NIN: variants seen among roughly 807,000 people sequenced by gnomAD.
The protein encoded by NIN is glycogen synthase kinase 3 beta-interacting protein.
NIN carries 137 observed loss-of-function variants against 257.6 expected under a neutral mutation model. The observed-to-expected ratio is 0.53, with a 90% CI of 0.46 to 0.61. The LOEUF is 0.61. NIN is among the 20% of genes least tolerant of loss of function. NIN has a pLI of 0.00. For missense variants in NIN, 2,439 were observed against 2,501.2 expected (o/e 0.98, Z 0.53); for synonymous variants, 918 against 919.8 (o/e 1.00, Z 0.04).
At chr14:50,744,933 A>C (rs2041467991) in intron 22 of NIN, among the ~76,000 whole-genome samples, 3 of 151,918 alleles carry the variant, frequency 2.0e-5, no homozygotes, top group African/African-American at 7.3e-5. Flanking sequence ...TCCAAAACAA[A>C]ACAAAAAAAC....
At chr14:50,724,505 A>G (rs760162073) in intron 30 of NIN, among the ~76,000 whole-genome samples, 65 of 152,126 alleles carry the variant, frequency 4.3e-4, no homozygotes, top group Non-Finnish European at 8.2e-4. Flanking sequence ...TTCAGAACAT[A>G]TTTTCTGTTG....
Position 50,792,817 on chromosome 14 carries a change from C to T in NIN, c.330G>A (p.Leu110=). 1.9e-6 allele frequency: 3 copies of T among 1,614,208 alleles called. No individual in the cohort carries two copies. The East Asian group carries it at 6.7e-5, about 36-fold the overall frequency. ...RGGKRYGRRS[L]PEFQESVEEF... ...CCTCCACGGACTCTTGGAACTCGGG[C>T]AAGGACCTTCGTCCGTAACGCTTCC... The change falls in exon 5 of 31, where the codon TTG becomes TTA. Residue 110 remains leucine (L), a synonymous_variant. Transcript: ENST00000530997.
chr14:50,763,459 TTA>T (rs2042350190), intron 15 of NIN, among the ~76,000 whole-genome samples: 1 of 152,208 alleles, frequency 6.6e-6, no homozygotes, highest in African/African-American at 2.4e-5. Flanking sequence ...TTCATATGAG[TTA>T]CACACTCTCT....
chr14:50,741,642 C>T lies in NIN; in HGVS notation c.5388G>A (p.Lys1796=). Residue 1796 remains lysine (K), a synonymous_variant, in exon 25 of 31, where the codon AAG becomes AAA. Transcript: ENST00000530997. The part of the protein sequence containing the change: ...KSDLRVTQQE[K]EALKQEVMSL... ...ACATCACTTCTTGTTTTAAAGCCTCCTTTTCCTGCTGAGTCACTCGTAGGT... is the reference window on the plus strand; with the variant it reads ...ACATCACTTCTTGTTTTAAAGCCTCTTTTTCCTGCTGAGTCACTCGTAGGT... 6.2e-7 allele frequency: 1 copy of T among 1,614,118 alleles called. No individual in the cohort carries two copies. Among genetic ancestry groups the T allele is most frequent in the Non-Finnish European group, 8.5e-7 (1 of 1,179,990 alleles).
intron 21 of NIN, among the ~76,000 whole-genome samples, chr14:50,749,618 A>T (rs138745473): frequency 2.4e-3 from 372 of 152,164 alleles, no homozygotes; most frequent in Admixed American, 4.3e-3. Flanking sequence ...TCATTTATTA[A>T]TTGGAATTAG....
chr14:50,723,840 A>G, intron 30 of NIN, 168 bp from the exon 31 acceptor site: 1 of 599,924 alleles, frequency 1.7e-6, no homozygotes, highest in Non-Finnish European at 2.9e-6. Flanking sequence ...CATCAGGGAC[A>G]CCATTGGAAC....
In NIN at chr14:50,738,146, G is replaced by T. The variant is rs770420407; in HGVS notation, c.5769C>A (p.Asn1923Lys). 1 of 1,613,862 alleles carries T rather than the reference G, an allele frequency of 6.2e-7. No individual in the cohort carries two copies. Among genetic ancestry groups the T allele is most frequent in the Non-Finnish European group, 8.5e-7 (1 of 1,179,956 alleles). Residue 1923 changes from asparagine to lysine, a missense_variant, in exon 27 of 31, where the codon AAC becomes AAA. Around this residue, in one of 3 missense-constraint regions of NIN, gnomAD observed 2,043 missense variants for 2,050.2 expected, o/e 1.00. Coordinates refer to ENST00000530997, the MANE Select transcript of NIN (RefSeq NM_020921.4). The part of the protein sequence containing the change: ...DQFQKEQSPA[N>K]RKVSQMNSLE... Reference sequence around the variant, plus strand: ...TATATTCTCAAAAACTCACCTTCCTGTTAGCAGGAGATTGTTCTTTCTGAA... The same window carrying T: ...TATATTCTCAAAAACTCACCTTCCTTTTAGCAGGAGATTGTTCTTTCTGAA...
chr14:50,819,574 A>G (rs2142404470), intron 3 of NIN, among the ~76,000 whole-genome samples: 1 of 152,288 alleles, frequency 6.6e-6, no homozygotes, highest in Non-Finnish European at 1.5e-5. Context: ...GCCACAAGGA[A>G]CTGGGAGTCA....
At chr14:50,823,283 T>G in intron 2 of NIN, 2 of 573,922 alleles carry the variant, frequency 3.5e-6, no homozygotes, top group Non-Finnish European at 7.1e-6. Context: ...ACATACACCC[T>G]TGGGACGGTG....
intron 7 of NIN, among the ~76,000 whole-genome samples, chr14:50,776,440 T>C (rs1290902601): frequency 1.3e-5 from 2 of 152,222 alleles, no homozygotes; most frequent in African/African-American, 4.8e-5. Flanking sequence ...TGCTAATATG[T>C]AAAAGCAGTT....
intron 5 of NIN, among the ~76,000 whole-genome samples, chr14:50,791,519 G>A (rs2043589065): frequency 6.7e-6 from 1 of 149,810 alleles, no homozygotes; most frequent in South Asian, 2.1e-4. Flanking sequence ...TGCCACTGCT[G>A]CTTCACTTGT....
chr14:50,751,349 A>G (rs1272651449), intron 21 of NIN, among the ~76,000 whole-genome samples: 1 of 152,202 alleles, frequency 6.6e-6, no homozygotes, highest in African/African-American at 2.4e-5. Flanking sequence ...GTATTGTCAA[A>G]TTCACCTACA....
At chr14:50,727,565 A>C in intron 29 of NIN, 1 of 1,318,018 alleles carries the variant, frequency 7.6e-7, no homozygotes, top group Admixed American at 2.8e-5. Flanking sequence ...ATAATAAAAT[A>C]ATTTAAAAGA....
At chr14:50,738,427 C>T in intron 26 of NIN, 141 bp from the exon 27 acceptor site, 1 of 742,648 alleles carries the variant, frequency 1.3e-6, no homozygotes, top group Non-Finnish European at 2.2e-6. Flanking sequence ...ATACTTGAAG[C>T]TAGCTTTTCT....
chr14:50,810,700 T>C (rs534628810), intron 3 of NIN, among the ~76,000 whole-genome samples: 43 of 152,322 alleles, frequency 2.8e-4, no homozygotes, highest in Non-Finnish European at 5.0e-4. Flanking sequence ...CTGGCTCTGT[T>C]GCCCAGGCTG....
chr14:50,801,332 C>T (rs1595896505), intron 4 of NIN, among the ~76,000 whole-genome samples: 2 of 152,196 alleles, frequency 1.3e-5, no homozygotes, highest in African/African-American at 2.4e-5. Flanking sequence ...CGCAGGTGAT[C>T]CACCTGTCTC....
Position 50,776,931 on chromosome 14 carries a change from T to C in NIN, c.666+18A>G. The C allele has an allele frequency of 6.2e-7, 1 of 1,601,704 alleles. No homozygotes were observed. The highest frequency in any genetic ancestry group is 8.5e-7 in the Non-Finnish European group (1 of 1,173,388). Reference sequence around the variant, plus strand: ...TTTTACCATCATTATCATTCCTGAATTATACTGCGAGGCTTACCTCTCCAT... The same window carrying C: ...TTTTACCATCATTATCATTCCTGAACTATACTGCGAGGCTTACCTCTCCAT... On this transcript the variant is annotated intron_variant, in intron 7 of 30. Coordinates refer to ENST00000530997, the MANE Select transcript of NIN (RefSeq NM_020921.4).
chr14:50,794,274 AG>A (rs1203551332), intron 4 of NIN, among the ~76,000 whole-genome samples: 1 of 152,240 alleles, frequency 6.6e-6, no homozygotes, highest in African/African-American at 2.4e-5. Context: ...AGCAAAGCTC[AG>A]AGTGAAGTAT....
At chr14:50,741,492 A>T in intron 25 of NIN, 90 bp downstream of exon 25, 1 of 949,308 alleles carries the variant, frequency 1.1e-6, no homozygotes, top group Non-Finnish European at 1.5e-6. Context: ...ATATGTACAT[A>T]CATATACACA....
Sources: allele counts gnomAD v4.1 joint callset (sites outside exome capture counted in the v4.1 genomes callset), GRCh38; gene constraint gnomAD v4.1.1; regional missense constraint gnomAD v4.1.1; transcripts MANE v1.5; gene names NCBI Gene and HGNC (gene_info 2026-07-23, HGNC 2026-07-21).